The following GOLGA5 variants were observed in gnomAD, a reference collection of about 807,000 sequenced individuals.
GOLGA5 encodes the protein golgin subfamily A member 5.
Under a neutral mutation model 93.5 loss-of-function variants are expected in GOLGA5, and 50 were observed. The ratio of observed to expected loss-of-function variants is 0.53; its 90% CI spans 0.43 to 0.68. The LOEUF (loss-of-function observed/expected upper bound fraction) is 0.68, where lower values mean the gene tolerates loss of function less well. Ranked by LOEUF, GOLGA5 falls within the 30% of genes least tolerant of loss-of-function variation. GOLGA5 has a pLI of 0.00. For missense variants in GOLGA5, 760 were observed against 856.4 expected, an observed-to-expected ratio of 0.89 and a Z score of 1.40; for synonymous variants, 312 against 304.5, an observed-to-expected ratio of 1.02 and a Z score of -0.26.
At chr14:92,831,547 ATTGT>A (rs1048203811) in intron 9 of GOLGA5, among the ~76,000 whole-genome samples, 8 of 152,282 alleles carry the variant, frequency 5.3e-5, no homozygotes, top group African/African-American at 1.4e-4. Context: ...TGATGGAAAC[ATTGT>A]TTGTTTTGAT....
intron 6 of GOLGA5, among the ~76,000 whole-genome samples, chr14:92,815,233 C>G (rs899293472): frequency 2.0e-5 from 3 of 152,168 alleles, no homozygotes; most frequent in Non-Finnish European, 2.9e-5. Flanking sequence ...ATGCTTTGCT[C>G]TCTGTTTTTC....
intron 10 of GOLGA5, among the ~76,000 whole-genome samples, chr14:92,834,860 G>A: frequency 6.6e-6 from 1 of 152,194 alleles, no homozygotes; most frequent in Non-Finnish European, 1.5e-5. Flanking sequence ...GAGGTGGGTG[G>A]GTAGCCATTG....
chr14:92,821,254 A>G (rs1885311771), intron 8 of GOLGA5, among the ~76,000 whole-genome samples: 1 of 152,236 alleles, frequency 6.6e-6, no homozygotes, highest in East Asian at 1.9e-4. Context: ...TACAGATACA[A>G]TATTAGTGCC....
At chr14:92,820,633 A>G (rs1350285246) in intron 8 of GOLGA5, among the ~76,000 whole-genome samples, 1 of 152,170 alleles carries the variant, frequency 6.6e-6, no homozygotes, top group Non-Finnish European at 1.5e-5. Context: ...TCACATGGGG[A>G]GAAACCTTGG....
At chr14:92,807,878 A>G (rs1435440551) in intron 3 of GOLGA5, among the ~76,000 whole-genome samples, 1 of 152,062 alleles carries the variant, frequency 6.6e-6, no homozygotes, top group Admixed American at 6.6e-5. Flanking sequence ...GAGTGAGGGG[A>G]TGGTGGGAAA....
intron 2 of GOLGA5, among the ~76,000 whole-genome samples, chr14:92,804,905 C>T (rs1400648784): frequency 6.6e-6 from 1 of 152,174 alleles, no homozygotes; most frequent in African/African-American, 2.4e-5. Flanking sequence ...CTCAGCCTCC[C>T]AAAGTGCTGG....
chr14:92,796,429 T>A (rs867985753), intron 1 of GOLGA5, among the ~76,000 whole-genome samples: 396 of 152,328 alleles, frequency 2.6e-3, no homozygotes, highest in African/African-American at 8.9e-3. Context: ...GAGGCGTACT[T>A]CTTTTGCTTG....
chr14:92,829,443 G>A (rs1404624655), intron 9 of GOLGA5, among the ~76,000 whole-genome samples: 5 of 152,130 alleles, frequency 3.3e-5, no homozygotes, highest in Non-Finnish European at 1.5e-5. Context: ...GAGTGTGGAA[G>A]AAGCTGATTC....
intron 1 of GOLGA5, among the ~76,000 whole-genome samples, chr14:92,796,424 G>C (rs12893982): frequency 0.74 from 112,319 of 151,952 alleles, 41,912 homozygotes; most frequent in East Asian, 0.85. Flanking sequence ...CTTCTGAGGC[G>C]TACTTCTTTT....
chr14:92,830,273 AC>A (rs1885502592), intron 9 of GOLGA5, among the ~76,000 whole-genome samples: 1 of 152,160 alleles, frequency 6.6e-6, no homozygotes, highest in South Asian at 2.1e-4. Context: ...AGGTGAGATC[AC>A]ACCATTGCAC....
intron 11 of GOLGA5, among the ~76,000 whole-genome samples, chr14:92,836,140 TTATGTA>T (rs1403034392): frequency 6.6e-6 from 1 of 152,092 alleles, no homozygotes; most frequent in Non-Finnish European, 1.5e-5. Flanking sequence ...AAATTTATGT[TTATGTA>T]TATGTAAATT....
chr14:92,801,442 G>T (rs890278890), intron 2 of GOLGA5, among the ~76,000 whole-genome samples: 1 of 152,164 alleles, frequency 6.6e-6, no homozygotes, highest in Non-Finnish European at 1.5e-5. Context: ...TTTTCTGGAA[G>T]TGTCAAGTCT....
intron 12 of GOLGA5, among the ~76,000 whole-genome samples, chr14:92,838,056 C>CA (rs1400200844): frequency 6.6e-6 from 1 of 152,144 alleles, no homozygotes; most frequent in Non-Finnish European, 1.5e-5. Flanking sequence ...GAATACAAAA[C>CA]AATTTTTTAT....
At chr14:92,812,556 CTTG>C (rs1178174327) in intron 6 of GOLGA5, among the ~76,000 whole-genome samples, 4 of 152,204 alleles carry the variant, frequency 2.6e-5, no homozygotes, top group Admixed American at 6.5e-5. Flanking sequence ...TTCTGTAGAA[CTTG>C]TTAACTCTTA....
At chr14:92,796,708 C>T (rs530524727) in intron 1 of GOLGA5, among the ~76,000 whole-genome samples, 3 of 150,204 alleles carry the variant, frequency 2.0e-5, no homozygotes, top group South Asian at 2.1e-4. Context: ...CGGTGGCTCA[C>T]GCCTGTAATC....
At chr14:92,795,909 A>C (rs1248550220) in intron 1 of GOLGA5, among the ~76,000 whole-genome samples, 1 of 152,250 alleles carries the variant, frequency 6.6e-6, no homozygotes, top group Admixed American at 6.5e-5. Flanking sequence ...AACAACGTGC[A>C]CATTCTAGAA....
chr14:92,835,804 CACTTTTATTTATTTCACAGTT>C, intron 11 of GOLGA5, 140 bp downstream of exon 11: 1 of 503,202 alleles, frequency 2.0e-6, no homozygotes, highest in Non-Finnish European at 3.6e-6. Flanking sequence ...TACTTATATA[CACTTTTATTTATTTCACAGTT>C]ATATTACACT....
chr14:92,819,954 A>C (rs1885282545), intron 8 of GOLGA5, 118 bp downstream of exon 8: 1 of 904,212 alleles, frequency 1.1e-6, no homozygotes, highest in African/African-American at 1.7e-5. Context: ...TTACCCCACA[A>C]GTTCCTCCTG....
chr14:92,802,878 C>T (rs1282519614), intron 2 of GOLGA5, among the ~76,000 whole-genome samples: 1 of 152,122 alleles, frequency 6.6e-6, no homozygotes, highest in South Asian at 2.1e-4. Context: ...AATCCTCCCA[C>T]TTCCTCCTCC....
Sources: allele counts gnomAD v4.1 joint callset (sites outside exome capture counted in the v4.1 genomes callset), GRCh38; gene constraint gnomAD v4.1.1; transcripts MANE v1.5; gene names NCBI Gene and HGNC (gene_info 2026-07-23, HGNC 2026-07-21).